VLDLR: variants seen among roughly 807,000 people sequenced by gnomAD.
VLDLR encodes the protein very low density lipoprotein receptor, also known as very low-density lipoprotein receptor.
A neutral mutation model predicts 112.7 loss-of-function variants in VLDLR; 81 were observed. That is an observed-to-expected ratio of 0.72 (90% CI 0.60 to 0.86). The LOEUF (loss-of-function observed/expected upper bound fraction) is 0.86, where lower values mean the gene tolerates loss of function less well. Ranked by LOEUF, VLDLR falls within the 40% of genes least tolerant of loss-of-function variation. VLDLR has a pLI of 0.00. For synonymous variants in VLDLR, 436 were observed against 384.8 expected, an observed-to-expected ratio of 1.13 and a Z score of -1.56; for missense variants, 1,237 against 1,099.4, an observed-to-expected ratio of 1.13 and a Z score of -1.77.
intron 1 of VLDLR, among the ~76,000 whole-genome samples, chr9:2,624,267 G>C (rs1816979826): frequency 6.6e-6 from 1 of 152,170 alleles, no homozygotes; most frequent in South Asian, 2.1e-4. Context: ...GAGGAAATTT[G>C]GGCTGAGGCA....
At chr9:2,636,126 G>A (rs7034667) in intron 2 of VLDLR, among the ~76,000 whole-genome samples, 336 of 152,282 alleles carry the variant, frequency 2.2e-3, no homozygotes, top group African/African-American at 7.7e-3. Context: ...GGGATACAGT[G>A]TCACAGCCAT....
intron 1 of VLDLR, among the ~76,000 whole-genome samples, chr9:2,628,176 G>A (rs139693112): frequency 1.8e-4 from 27 of 152,316 alleles, no homozygotes; most frequent in African/African-American, 5.5e-4. Context: ...TGCCTTAGGG[G>A]ATCTCTGTGT....
chr9:2,625,097 C>T (rs973100369), intron 1 of VLDLR, among the ~76,000 whole-genome samples: 2 of 152,188 alleles, frequency 1.3e-5, no homozygotes, highest in Non-Finnish European at 2.9e-5. Context: ...TCTCCATGCT[C>T]AAAAGAAGTG....
At chr9:2,642,782 A>G (rs1817883590) in intron 4 of VLDLR, among the ~76,000 whole-genome samples, 1 of 152,206 alleles carries the variant, frequency 6.6e-6, no homozygotes, top group African/African-American at 2.4e-5. Flanking sequence ...GATATTCTCA[A>G]CTAGTGATAA....
intron 16 of VLDLR, 44 bp downstream of exon 16, chr9:2,651,542 C>A: frequency 6.7e-7 from 1 of 1,496,594 alleles, no homozygotes; most frequent in Non-Finnish European, 9.3e-7. Context: ...AACTAACAGC[C>A]ACACTCTTTG....
At chr9:2,638,801 T>G (rs1817708114) in intron 2 of VLDLR, among the ~76,000 whole-genome samples, 1 of 152,210 alleles carries the variant, frequency 6.6e-6, no homozygotes, top group Admixed American at 6.5e-5. Context: ...TTCCTCTCCT[T>G]AGGCTATTTT....
chr9:2,646,441 A>C lies in VLDLR; in HGVS notation c.1592A>C (p.Asp531Ala). 6.2e-7 allele frequency: 1 copy of C among 1,614,148 alleles called. No homozygotes were observed. The highest frequency in any genetic ancestry group is 8.5e-7 in the Non-Finnish European group (1 of 1,180,004). ...GTGTACAAGACCATCTACTGGACTGATGCGGCTTCTAAGACTATTTCAGTA... is the reference window on the plus strand; with the variant it reads ...GTGTACAAGACCATCTACTGGACTGCTGCGGCTTCTAAGACTATTTCAGTA... ...DWVYKTIYWT[D>A]AASKTISVAT... Residue 531 changes from aspartate (D) to alanine (A), a missense_variant, in exon 11 of 19, where the codon GAT becomes GCT. Physicochemically the swap from Asp to Ala is moderately radical, Grantham distance 126. Coordinates refer to ENST00000382100, the MANE Select transcript of VLDLR (RefSeq NM_003383.5).
intron 1 of VLDLR, among the ~76,000 whole-genome samples, chr9:2,623,164 G>A (rs1224413573): frequency 6.6e-6 from 1 of 152,196 alleles, no homozygotes; most frequent in African/African-American, 2.4e-5. Context: ...CGAGCGTGTG[G>A]CCCTGTCTTG....
chr9:2,637,524 C>T (rs1219777965), intron 2 of VLDLR, among the ~76,000 whole-genome samples: 2 of 152,152 alleles, frequency 1.3e-5, no homozygotes. Context: ...CTTTACCCTC[C>T]CAGTCTATGC....
Position 2,643,705 on chromosome 9 carries a change from A to G in VLDLR, c.898A>G (p.Ile300Val). 2.5e-6 allele frequency: 4 copies of G among 1,614,214 alleles called. No homozygotes were observed. The highest frequency in any genetic ancestry group is 2.2e-5 in the East Asian group (1 of 44,872). ...CIHGSRQCNG[I>V]RDCVDGSDEV... ...CCATGGCAGCAGGCAGTGTAATGGTATCCGAGACTGTGTCGATGGTTCCGA... is the reference window on the plus strand; with the variant it reads ...CCATGGCAGCAGGCAGTGTAATGGTGTCCGAGACTGTGTCGATGGTTCCGA... Residue 300 changes from isoleucine to valine, a missense_variant, in exon 6 of 19, where the codon ATC becomes GTC. By Grantham distance (29) the Ile-to-Val change is conservative. Coordinates refer to ENST00000382100, the MANE Select transcript of VLDLR (RefSeq NM_003383.5).
At chr9:2,627,989 T>A (rs1276956778) in intron 1 of VLDLR, among the ~76,000 whole-genome samples, 1 of 152,170 alleles carries the variant, frequency 6.6e-6, no homozygotes. Flanking sequence ...CCAGTCACAC[T>A]TGGTTTCAAG....
At chr9:2,642,041 A>T (rs933838399) in intron 4 of VLDLR, among the ~76,000 whole-genome samples, 15 of 151,768 alleles carry the variant, frequency 9.9e-5, no homozygotes, top group African/African-American at 3.6e-4. Context: ...AGTCTACCCA[A>T]CTGGTGATAC....
intron 1 of VLDLR, among the ~76,000 whole-genome samples, chr9:2,628,717 G>T (rs891646875): frequency 6.6e-6 from 1 of 152,186 alleles, no homozygotes; most frequent in Admixed American, 6.5e-5. Flanking sequence ...CATTTCTGGA[G>T]TACTGATTTA....
intron 16 of VLDLR, 138 bp from the exon 17 acceptor site, chr9:2,651,736 G>C (rs1818353857): frequency 2.0e-6 from 2 of 985,314 alleles, no homozygotes; most frequent in Non-Finnish European, 3.1e-6. Context: ...TTCTAAGCCA[G>C]AGTTGTTCCT....
At chr9:2,624,016 G>C (rs1816963805) in intron 1 of VLDLR, among the ~76,000 whole-genome samples, 1 of 152,182 alleles carries the variant, frequency 6.6e-6, no homozygotes, top group South Asian at 2.1e-4. Flanking sequence ...CAATTATCCA[G>C]GAAGGTGAGA....
chr9:2,648,408 A>G, intron 13 of VLDLR, 61 bp downstream of exon 13: 1 of 1,610,032 alleles, frequency 6.2e-7, no homozygotes, highest in South Asian at 1.1e-5. Flanking sequence ...TTGAGAAGAA[A>G]TAACAGACAT....
intron 1 of VLDLR, among the ~76,000 whole-genome samples, chr9:2,628,277 GT>G (rs35877651): frequency 6.6e-6 from 1 of 152,056 alleles, no homozygotes; most frequent in South Asian, 2.1e-4. Flanking sequence ...ACCATACCTA[GT>G]TTTTCCAAAA....
chr9:2,628,600 G>T (rs1378212484), intron 1 of VLDLR, among the ~76,000 whole-genome samples: 4 of 152,174 alleles, frequency 2.6e-5, no homozygotes, highest in African/African-American at 9.7e-5. Context: ...TAGAGAATGT[G>T]GCAGCCTGGA....
rs540366369 is a variant in VLDLR at position 2,641,578 on chromosome 9, G to A, written c.448+79G>A. 14 of 1,601,680 alleles carry A rather than the reference G, an allele frequency of 8.7e-6. No individual in the cohort carries two copies. In the East Asian group the frequency reaches 1.8e-4, roughly 21 times the overall value. ...GGGTGGGCAGGGGAAACTAATCTAA[G>A]CCTGAAGACGCACTGACATTGACTC... On this transcript the variant is annotated intron_variant, in intron 4 of 18. Transcript: ENST00000382100.
Sources: gnomAD v4.1 joint callset for allele counts (sites outside exome capture counted in the v4.1 genomes callset) on GRCh38, gnomAD v4.1.1 for gene constraint, MANE v1.5 for transcripts, NCBI Gene and HGNC (gene_info 2026-07-23, HGNC 2026-07-21) for gene names.